ZNF385B: variants seen among roughly 807,000 people sequenced by gnomAD.
ZNF385B encodes the protein zinc finger protein 385B, also known as zinc finger protein 533.
ZNF385B carries 23 observed loss-of-function variants against 39.2 expected under a neutral mutation model. The ratio of observed to expected loss-of-function variants is 0.59; its 90% CI spans 0.42 to 0.83. ZNF385B has a LOEUF of 0.83. Among genes scored for constraint, ZNF385B ranks in the 40% least tolerant of loss-of-function variants. The pLI is 0.00. For missense variants in ZNF385B, 552 were observed against 598.9 expected (o/e 0.92, Z 0.82); for synonymous variants, 205 against 222.6 (o/e 0.92, Z 0.70).
At chr2:179,774,666 G>A (rs139035315) in intron 1 of ZNF385B, among the ~76,000 whole-genome samples, 624 of 152,242 alleles carry the variant, frequency 4.1e-3, no homozygotes, top group African/African-American at 0.014. Flanking sequence ...CAAGGTCAAT[G>A]TTTTCTAATT....
At chr2:179,588,056 G>A (rs1169699749) in intron 3 of ZNF385B, among the ~76,000 whole-genome samples, 4 of 152,034 alleles carry the variant, frequency 2.6e-5, no homozygotes, top group Non-Finnish European at 5.9e-5. Context: ...AACCTCCATC[G>A]GAAAGGCAAG....
intron 1 of ZNF385B, among the ~76,000 whole-genome samples, chr2:179,812,204 C>T (rs996153697): frequency 1.3e-5 from 2 of 151,660 alleles, no homozygotes; most frequent in Admixed American, 6.6e-5. Flanking sequence ...AATGTAAATT[C>T]GTTCAGCAAC....
chr2:179,743,607 A>G (rs1252160383), intron 3 of ZNF385B, among the ~76,000 whole-genome samples: 3 of 152,124 alleles, frequency 2.0e-5, no homozygotes, highest in Non-Finnish European at 4.4e-5. Context: ...GCAAAGAATC[A>G]GCACAAAAAT....
chr2:179,485,432 C>G (rs1019956048), intron 5 of ZNF385B, among the ~76,000 whole-genome samples: 1 of 152,074 alleles, frequency 6.6e-6, no homozygotes, highest in Non-Finnish European at 1.5e-5. Flanking sequence ...TTGTTTCACT[C>G]CAGCTTACCA....
chr2:179,562,924 G>A (rs1684093468), intron 3 of ZNF385B, among the ~76,000 whole-genome samples: 2 of 152,260 alleles, frequency 1.3e-5, no homozygotes, highest in Middle Eastern at 3.4e-3. Flanking sequence ...ATTTCAAAGA[G>A]AAATGTGTTC....
At chr2:179,454,608 A>G (rs2050491439) in intron 6 of ZNF385B, among the ~76,000 whole-genome samples, 1 of 152,156 alleles carries the variant, frequency 6.6e-6, no homozygotes, top group Non-Finnish European at 1.5e-5. Context: ...TCCACTGTGT[A>G]ATTGTGCCTG....
chr2:179,551,788 C>T lies in ZNF385B; in HGVS notation c.299-6819G>A, dbSNP rs140254187. 2.4e-3 allele frequency among the ~76,000 whole-genome samples: 360 copies of T among 152,116 alleles called. 3 individuals carry two copies. The highest frequency in any genetic ancestry group is 7.5e-3 in the African/African-American group (312 of 41,532). On this transcript the variant is annotated intron_variant, in intron 3 of 9. Coordinates refer to ENST00000410066, the MANE Select transcript of ZNF385B (RefSeq NM_152520.6). ...AATAAATCTGTACTTTCACTCTATC[C>T]CAATTTGTCCTTGAATTCCTTCTCA... is the stretch of plus-strand genomic sequence containing the variant.
chr2:179,646,327 G>A (rs758872321), intron 3 of ZNF385B, among the ~76,000 whole-genome samples: 9 of 152,218 alleles, frequency 5.9e-5, no homozygotes, highest in Non-Finnish European at 8.8e-5. Flanking sequence ...AGGCAAAATA[G>A]CTTGAACCTG....
At chr2:179,723,601 T>C (rs1442081129) in intron 3 of ZNF385B, among the ~76,000 whole-genome samples, 1 of 152,132 alleles carries the variant, frequency 6.6e-6, no homozygotes, top group Non-Finnish European at 1.5e-5. Context: ...AAACTAAATA[T>C]ATTTTAAAAC....
intron 3 of ZNF385B, among the ~76,000 whole-genome samples, chr2:179,709,618 A>T (rs1335514383): frequency 6.6e-6 from 1 of 152,198 alleles, no homozygotes; most frequent in Non-Finnish European, 1.5e-5. Flanking sequence ...ACATAAGATG[A>T]CACTGGGGAC....
At chr2:179,849,026 G>A (rs1399040077) in intron 1 of ZNF385B, among the ~76,000 whole-genome samples, 1 of 152,092 alleles carries the variant, frequency 6.6e-6, no homozygotes, top group Admixed American at 6.5e-5. Context: ...ATAATATTGT[G>A]CCCATTTTAT....
chr2:179,719,715 G>C (rs1429917094), intron 3 of ZNF385B, among the ~76,000 whole-genome samples: 1 of 152,194 alleles, frequency 6.6e-6, no homozygotes, highest in Non-Finnish European at 1.5e-5. Context: ...ATCTTCAATA[G>C]ATGTTCTTGC....
chr2:179,564,285 T>G (rs1047260434), intron 3 of ZNF385B, among the ~76,000 whole-genome samples: 8 of 152,154 alleles, frequency 5.3e-5, no homozygotes, highest in Admixed American at 2.0e-4. Context: ...AAGGAACACT[T>G]AAGCCTCTAC....
intron 3 of ZNF385B, among the ~76,000 whole-genome samples, chr2:179,647,424 C>T (rs1559027454): frequency 1.3e-5 from 2 of 152,264 alleles, no homozygotes; most frequent in African/African-American, 4.8e-5. Context: ...TACCCAACCC[C>T]GGCCATATGC....
chr2:179,838,868 A>T (rs138638207), intron 1 of ZNF385B, among the ~76,000 whole-genome samples: 190 of 147,668 alleles, frequency 1.3e-3, no homozygotes, highest in African/African-American at 4.2e-3. Context: ...TGCTTAAAAT[A>T]TGAACCAATA....
intron 3 of ZNF385B, among the ~76,000 whole-genome samples, chr2:179,634,371 C>T (rs186690311): frequency 1.6e-3 from 251 of 152,246 alleles, no homozygotes; most frequent in African/African-American, 5.3e-3. Flanking sequence ...AAAAAATCAA[C>T]CCCATCAACA....
intron 5 of ZNF385B, among the ~76,000 whole-genome samples, chr2:179,485,779 C>T (rs2054504592): frequency 6.6e-6 from 1 of 151,900 alleles, no homozygotes; most frequent in South Asian, 2.1e-4. Flanking sequence ...CGGGAGGTGG[C>T]TGGGGAAAAA....
At chr2:179,622,472 C>A (rs2106164731) in intron 3 of ZNF385B, among the ~76,000 whole-genome samples, 1 of 152,268 alleles carries the variant, frequency 6.6e-6, no homozygotes, top group East Asian at 1.9e-4. Context: ...TGGAATAACT[C>A]AGAGAGGTAA....
At chr2:179,800,016 T>A (rs192244634) in intron 1 of ZNF385B, among the ~76,000 whole-genome samples, 21 of 152,150 alleles carry the variant, frequency 1.4e-4, no homozygotes, top group African/African-American at 4.8e-4. Context: ...GAGCTAAAAC[T>A]CTAAAAGCAG....
Sources: gnomAD v4.1 joint callset for allele counts (sites outside exome capture counted in the v4.1 genomes callset) on GRCh38, gnomAD v4.1.1 for gene constraint, MANE v1.5 for transcripts, NCBI Gene and HGNC (gene_info 2026-07-23, HGNC 2026-07-21) for gene names.